The following ZFYVE9 variants were observed in gnomAD, a reference collection of about 807,000 sequenced individuals.
The protein encoded by ZFYVE9 is zinc finger FYVE-type containing 9, also known as zinc finger FYVE domain-containing protein 9.
In ZFYVE9, 43 loss-of-function variants were observed where a neutral mutation model predicts 126.7. The ratio of observed to expected loss-of-function variants is 0.34; its 90% CI spans 0.27 to 0.44. The LOEUF is 0.44. ZFYVE9 is among the 20% of genes least tolerant of loss of function. ZFYVE9 has a pLI of 1.00. For missense variants in ZFYVE9, 1,476 were observed against 1,697.0 expected (o/e 0.87, Z 2.29); for synonymous variants, 521 against 597.4 (o/e 0.87, Z 1.87).
chr1:52,242,031 CTTTT>C (rs975430437), intron 4 of ZFYVE9, among the ~76,000 whole-genome samples: 2 of 106,438 alleles, frequency 1.9e-5, no homozygotes, highest in African/African-American at 3.9e-5. Flanking sequence ...TCATGGCAAT[CTTTT>C]TTTTTTTTTT....
rs375491497 is a variant in ZFYVE9 at position 52,278,442 on chromosome 1, C to G, written c.2747-50C>G. ...GCTCATTTCTCCATCTGATCTCTTT[C>G]TTGATTTGTTCCTTTAACCAATCTA... On this transcript the variant is annotated intron_variant, in intron 8 of 18. Coordinates refer to ENST00000287727, the MANE Select transcript of ZFYVE9 (RefSeq NM_004799.4). The G allele has an allele frequency of 2.1e-5, 34 of 1,607,026 alleles. No homozygotes were observed. The African/African-American group carries it at 4.4e-4, about 21-fold the overall frequency.
chr1:52,215,059 T>A (rs1433387218), intron 1 of ZFYVE9, among the ~76,000 whole-genome samples: 1 of 152,226 alleles, frequency 6.6e-6, no homozygotes, highest in East Asian at 1.9e-4. Context: ...CAAGTTGATA[T>A]ATAAAATTAT....
chr1:52,163,411 G>A (rs968394942), intron 1 of ZFYVE9, among the ~76,000 whole-genome samples: 11 of 152,314 alleles, frequency 7.2e-5, no homozygotes, highest in African/African-American at 2.4e-4. Context: ...CCAAACTGTG[G>A]GAGAGAGGAA....
intron 1 of ZFYVE9, among the ~76,000 whole-genome samples, chr1:52,188,864 A>G (rs934340457): frequency 6.6e-6 from 1 of 152,148 alleles, no homozygotes; most frequent in Non-Finnish European, 1.5e-5. Flanking sequence ...AGTAGTTTTC[A>G]GTTGTGAATT....
chr1:52,318,328 C>T (rs1298325164), intron 13 of ZFYVE9, among the ~76,000 whole-genome samples: 7 of 150,822 alleles, frequency 4.6e-5, no homozygotes, highest in Non-Finnish European at 7.4e-5. Context: ...AAGCAGTTGA[C>T]GAAATCCTAC....
chr1:52,321,494 A>G (rs559345577), intron 13 of ZFYVE9, among the ~76,000 whole-genome samples: 115 of 152,288 alleles, frequency 7.6e-4, no homozygotes, highest in African/African-American at 2.6e-3. Context: ...TTAACAATAG[A>G]TATGTTCAAA....
intron 4 of ZFYVE9, among the ~76,000 whole-genome samples, chr1:52,249,688 T>C (rs1645425112): frequency 6.6e-6 from 1 of 152,218 alleles, no homozygotes; most frequent in Admixed American, 6.5e-5. Flanking sequence ...ATCAAAGAAA[T>C]CATCTCCAAA....
At chr1:52,297,169 C>T (rs1645984997) in intron 12 of ZFYVE9, among the ~76,000 whole-genome samples, 1 of 151,930 alleles carries the variant, frequency 6.6e-6, no homozygotes, top group Admixed American at 6.6e-5. Context: ...CCTAATGGGG[C>T]TAGGGGGCAG....
At chr1:52,219,782 TG>T in intron 2 of ZFYVE9, among the ~76,000 whole-genome samples, 1 of 149,840 alleles carries the variant, frequency 6.7e-6, no homozygotes, top group South Asian at 2.1e-4. Flanking sequence ...TGTGTGTGTG[TG>T]TGTGTGTGTG....
intron 1 of ZFYVE9, among the ~76,000 whole-genome samples, chr1:52,197,618 TAAG>T (rs58404625): frequency 0.82 from 124,995 of 151,838 alleles, 52,749 homozygotes; most frequent in East Asian, 0.97. Context: ...TAGAAGAAAG[TAAG>T]AATTTGTAGT....
rs1287891496 is a variant in ZFYVE9 at position 52,238,981 on chromosome 1, C to T, written c.1564C>T (p.Gln522Ter). ...KSECYSNIYE[Q>*]RGNEATEGSG... is the part of the protein sequence containing the mutation. ...AGAATGCTACTCAAATATTTATGAACAGAGAGGAAATGAGGCCACAGAAGG... is the reference window on the plus strand; with the variant it reads ...AGAATGCTACTCAAATATTTATGAATAGAGAGGAAATGAGGCCACAGAAGG... Residue 522 changes from glutamine to a stop codon, truncating the protein, a stop_gained, in exon 4 of 19, where the codon CAG (glutamine) becomes TAG (stop). Coordinates refer to ENST00000287727, the MANE Select transcript of ZFYVE9 (RefSeq NM_004799.4). LOFTEE classifies it high-confidence loss of function. 1 of 1,613,876 alleles carries T rather than the reference C, an allele frequency of 6.2e-7. No homozygotes were observed. The highest frequency in any genetic ancestry group is 8.5e-7 in the Non-Finnish European group (1 of 1,180,000).
At chr1:52,157,745 A>G (rs1410241327) in intron 1 of ZFYVE9, among the ~76,000 whole-genome samples, 2 of 152,058 alleles carry the variant, frequency 1.3e-5, no homozygotes, top group Admixed American at 1.3e-4. Flanking sequence ...GCTCCCTGAA[A>G]GTTAAGTCTT....
chr1:52,252,305 TTTGTTG>T lies in ZFYVE9; in HGVS notation c.2179-11447_2179-11442del, dbSNP rs368993801. 1.7e-3 allele frequency: 259 copies of T among 156,062 alleles called. 1 individual carries two copies. The highest frequency in any genetic ancestry group is 4.8e-3 in the African/African-American group (201 of 41,510). The allele number at this position is 156,062 out of a possible 1,614,324, so 9.7% of individuals were successfully genotyped here. On this transcript the variant is annotated intron_variant, in intron 4 of 18. Coordinates refer to ENST00000287727, the MANE Select transcript of ZFYVE9 (RefSeq NM_004799.4). Reference sequence around the variant, plus strand: ...TTTTGGTAGACTTTGAAAAATTTGTTTTGTTGTTGTTGTTGTTGTTGTTGTTTGTTT... The same window carrying T: ...TTTTGGTAGACTTTGAAAAATTTGTTTTGTTGTTGTTGTTGTTGTTTGTTT...
At chr1:52,254,974 C>T (rs1645489891) in intron 4 of ZFYVE9, among the ~76,000 whole-genome samples, 1 of 151,890 alleles carries the variant, frequency 6.6e-6, no homozygotes, top group South Asian at 2.1e-4. Context: ...TGTCTGTAGT[C>T]CCAGCTACTT....
chr1:52,175,149 T>C (rs1056763205), intron 1 of ZFYVE9, among the ~76,000 whole-genome samples: 2 of 152,124 alleles, frequency 1.3e-5, no homozygotes, highest in Non-Finnish European at 2.9e-5. Flanking sequence ...GTACTGGTTG[T>C]TCCTTTCCAT....
intron 2 of ZFYVE9, among the ~76,000 whole-genome samples, chr1:52,218,093 C>T (rs1407490700): frequency 6.6e-6 from 1 of 152,152 alleles, no homozygotes. Flanking sequence ...CTCCGCAGGA[C>T]CCTGATGCTG....
At chr1:52,296,142 C>T (rs577946508) in intron 12 of ZFYVE9, among the ~76,000 whole-genome samples, 165 bp downstream of exon 12, 80 of 149,638 alleles carry the variant, frequency 5.3e-4, no homozygotes, top group African/African-American at 1.0e-3. Flanking sequence ...TATATATATA[C>T]ACACACACAC....
intron 1 of ZFYVE9, among the ~76,000 whole-genome samples, chr1:52,212,688 A>C (rs1274601601): frequency 6.6e-6 from 1 of 152,176 alleles, no homozygotes. Context: ...ATCATTCCAC[A>C]TATTTTGAAT....
chr1:52,204,797 C>G lies in ZFYVE9; in HGVS notation c.-142-11572C>G, dbSNP rs373956151. Among the ~76,000 whole-genome samples the G allele has an allele frequency of 5.3e-5, 8 of 152,308 alleles. No homozygotes were observed. The East Asian group carries it at 1.5e-3, about 29-fold the overall frequency. ...CAAAATGGTTCCCTTTCCCCTTTCC[C>G]TGCCAGAAGAATGAGGGGATTTCCC... On this transcript the variant is annotated intron_variant, in intron 1 of 18. Transcript: ENST00000287727.
Sources: allele counts gnomAD v4.1 joint callset (sites outside exome capture counted in the v4.1 genomes callset), GRCh38; gene constraint gnomAD v4.1.1; transcripts MANE v1.5; gene names NCBI Gene and HGNC (gene_info 2026-07-23, HGNC 2026-07-21).